Variants in RHBDL3 observed in about 807,000 individuals in gnomAD.
RHBDL3 encodes rhomboid like 3.
RHBDL3 carries 28 observed loss-of-function variants against 48.2 expected under a neutral mutation model. The ratio of observed to expected loss-of-function variants is 0.58; its 90% CI spans 0.43 to 0.80. The LOEUF is 0.80. Among genes scored for constraint, RHBDL3 ranks in the 30% least tolerant of loss-of-function variants. The pLI, the probability that RHBDL3 is intolerant of heterozygous loss-of-function variation, is 0.00. For missense variants in RHBDL3, 464 were observed against 542.7 expected (o/e 0.85, Z 1.44); for synonymous variants, 208 against 232.3 (o/e 0.90, Z 0.95).
intron 7 of RHBDL3, among the ~76,000 whole-genome samples, chr17:32,307,426 CT>C (rs2040737259): frequency 6.6e-6 from 1 of 152,204 alleles, no homozygotes; most frequent in African/African-American, 2.4e-5. Flanking sequence ...GTTTTTCTTC[CT>C]TATCAATCTC....
intron 2 of RHBDL3, among the ~76,000 whole-genome samples, chr17:32,270,064 G>A (rs964928746): frequency 1.2e-4 from 17 of 147,808 alleles, no homozygotes; most frequent in African/African-American, 4.0e-4. Context: ...AGTGGCTAAC[G>A]CCGGTAATCC....
At position 32,321,553 on chromosome 17, in the gene RHBDL3, C is replaced by A. The variant is rs1054152791; in HGVS notation, c.*324C>A. ...CTTCCATGGGGCCAGGGGGTGCCCC[C>A]TCACTGCTGCGGATTGAGCAGCAGC... On this transcript the variant is annotated 3_prime_UTR_variant, in exon 9 of 9. Transcript: ENST00000269051. 1.0e-5 allele frequency: 5 copies of A among 487,660 alleles called. No homozygotes were observed. The East Asian group carries it at 2.0e-4, about 20-fold the overall frequency. The allele number at this position is 487,660 out of a possible 1,614,324, so 30.2% of individuals were successfully genotyped here.
chr17:32,300,313 C>G (rs541451187), intron 6 of RHBDL3, among the ~76,000 whole-genome samples: 15 of 152,238 alleles, frequency 9.9e-5, no homozygotes, highest in African/African-American at 3.6e-4. Context: ...TTTGGGAGGT[C>G]AAGGCAGGAA....
Position 32,279,588 on chromosome 17 carries a change from G to A in RHBDL3, c.136-5071G>A, listed in dbSNP as rs71377426. On this transcript the variant is annotated intron_variant, in intron 2 of 8. Coordinates refer to ENST00000269051, the MANE Select transcript of RHBDL3 (RefSeq NM_138328.3). ...ATGTGGAATTGCCTGCTGTGATCCC[G>A]AATGTCCTGTAGCCCCTTGACTGTG... Among the ~76,000 whole-genome samples, 259 of 152,312 alleles carry A rather than the reference G, an allele frequency of 1.7e-3. 1 individual carries two copies. Among genetic ancestry groups the A allele is most frequent in the African/African-American group, 5.9e-3 (245 of 41,548 alleles).
At chr17:32,294,511 A>G (rs2040407630) in intron 5 of RHBDL3, 69 bp downstream of exon 5, 1 of 1,404,510 alleles carries the variant, frequency 7.1e-7, no homozygotes, top group Non-Finnish European at 9.6e-7. Flanking sequence ...GATAGCCTGG[A>G]TTGAAATATA....
In RHBDL3 at chr17:32,321,640, C is replaced by T. The variant is rs1050492560; in HGVS notation, c.*411C>T. The T allele has an allele frequency of 9.1e-6, 3 of 329,894 alleles. No homozygotes were observed. In the East Asian group the frequency reaches 2.2e-4, roughly 25 times the overall value. The allele number at this position is 329,894 out of a possible 1,614,324, so 20.4% of individuals were successfully genotyped here. ...ACATGGGAAGGCTCGAAGGTTGTTG[C>T]GTCCAGGCATGGCCCCTCTCTAGCT... On this transcript the variant is annotated 3_prime_UTR_variant, in exon 9 of 9. Coordinates refer to ENST00000269051, the MANE Select transcript of RHBDL3 (RefSeq NM_138328.3).
intron 2 of RHBDL3, chr17:32,281,002 C>G (rs1469038284): frequency 6.5e-6 from 1 of 152,690 alleles, no homozygotes; most frequent in Non-Finnish European, 1.5e-5. Context: ...ATTGCTGCCT[C>G]TCCCTCCCCC....
At chr17:32,277,960 G>A (rs989212890) in intron 2 of RHBDL3, among the ~76,000 whole-genome samples, 1 of 152,126 alleles carries the variant, frequency 6.6e-6, no homozygotes, top group African/African-American at 2.4e-5. Context: ...CTTATTTCAG[G>A]TACCATCAGG....
At chr17:32,295,669 T>C (rs1280298134) in intron 5 of RHBDL3, among the ~76,000 whole-genome samples, 5 of 152,184 alleles carry the variant, frequency 3.3e-5, no homozygotes. Flanking sequence ...GCCTCCTTGC[T>C]CCATCCTCTG....
chr17:32,270,815 G>A (rs2039754585), intron 2 of RHBDL3, among the ~76,000 whole-genome samples: 1 of 152,118 alleles, frequency 6.6e-6, no homozygotes, highest in Non-Finnish European at 1.5e-5. Flanking sequence ...TCATATTTTG[G>A]AGATCTTGAT....
At chr17:32,296,352 T>TTTTG (rs940121432) in intron 5 of RHBDL3, among the ~76,000 whole-genome samples, 9 of 144,064 alleles carry the variant, frequency 6.2e-5, no homozygotes, top group African/African-American at 2.1e-4. Flanking sequence ...TTTTTTTTTT[T>TTTTG]TGAGATGGAG....
intron 2 of RHBDL3, among the ~76,000 whole-genome samples, chr17:32,283,965 C>T (rs4794912): frequency 3.9e-5 from 6 of 152,210 alleles, no homozygotes; most frequent in Middle Eastern, 3.4e-3. Context: ...TCCAGGGAGA[C>T]GGAGGAAGAA....
chr17:32,271,894 A>T (rs1056602352), intron 2 of RHBDL3, among the ~76,000 whole-genome samples: 2 of 152,198 alleles, frequency 1.3e-5, no homozygotes, highest in African/African-American at 4.8e-5. Flanking sequence ...ATAAACATAA[A>T]CATGTGCTAC....
Position 32,288,935 on chromosome 17 carries a change from G to A in RHBDL3, c.438G>A (p.Arg146=). 6.2e-7 allele frequency: 1 copy of A among 1,614,232 alleles called. No homozygotes were observed. Among genetic ancestry groups the A allele is most frequent in the Non-Finnish European group, 8.5e-7 (1 of 1,180,052 alleles). Residue 146 remains arginine (R), a synonymous_variant, in exon 4 of 9, where the codon CGG becomes CGA. Transcript: ENST00000269051. ...IRHVAYETLP[R]EIDRKWYYDS... is the part of the protein sequence containing the mutation. The stretch of plus-strand genomic sequence containing the variant: ...ATGTGGCCTATGAGACCCTGCCCCG[G>A]GAAATTGACCGCAAGTGGTACTATG...
intron 6 of RHBDL3, 34 bp from the exon 7 acceptor site, chr17:32,305,307 A>G (rs2040682882): frequency 6.7e-7 from 1 of 1,481,906 alleles, no homozygotes; most frequent in South Asian, 1.1e-5. Context: ...CGAGTCCCGC[A>G]CTCCTGAGAA....
At position 32,305,351 on chromosome 17, in the gene RHBDL3, A is replaced by C; in HGVS notation, c.792A>C (p.Ala264=). The C allele has an allele frequency of 6.2e-7, 1 of 1,612,522 alleles. No individual in the cohort carries two copies. Among genetic ancestry groups the C allele is most frequent in the Non-Finnish European group, 8.5e-7 (1 of 1,178,584 alleles). The part of the protein sequence containing the change: ...YVAGVVAGSL[A]VSVADMTAPV... Reference sequence around the variant, plus strand: ...GTCTTTCTGTACTAGGGTCCTTGGCAGTGTCTGTGGCTGACATGACCGCTC... The same window carrying C: ...GTCTTTCTGTACTAGGGTCCTTGGCCGTGTCTGTGGCTGACATGACCGCTC... Residue 264 remains alanine, a synonymous_variant, in exon 7 of 9, where the codon GCA becomes GCC. Coordinates refer to ENST00000269051, the MANE Select transcript of RHBDL3 (RefSeq NM_138328.3).
In RHBDL3 at chr17:32,324,244, A is replaced by G. The variant is rs1176148959; in HGVS notation, c.*3015A>G. ...GACACCATTCATCATTCGTTTTTTA[A>G]TTAGGAAAAGCTCCCTAATGAGGCT... On this transcript the variant is annotated 3_prime_UTR_variant, in exon 9 of 9. Coordinates refer to ENST00000269051, the MANE Select transcript of RHBDL3 (RefSeq NM_138328.3). The G allele has an allele frequency of 6.6e-6, 1 of 152,642 alleles. No individual in the cohort carries two copies. The highest frequency in any genetic ancestry group is 1.5e-5 in the Non-Finnish European group (1 of 68,040). 9.5% of individuals were successfully genotyped at this position (152,642 alleles called of 1,614,324 possible). A position where few individuals can be genotyped will look rare whatever the true frequency, so the allele number is the denominator to read the frequency against.
intron 2 of RHBDL3, among the ~76,000 whole-genome samples, chr17:32,281,838 T>C (rs2040059168): frequency 6.6e-6 from 1 of 152,274 alleles, no homozygotes; most frequent in Admixed American, 6.5e-5. Flanking sequence ...CACTCACCTA[T>C]TTGGTCCTTA....
At chr17:32,294,792 A>T (rs1186184851) in intron 5 of RHBDL3, among the ~76,000 whole-genome samples, 2 of 151,988 alleles carry the variant, frequency 1.3e-5, no homozygotes, top group Non-Finnish European at 2.9e-5. Context: ...GCAAAAAGGG[A>T]GTCAAGCCAC....
Sources: gnomAD v4.1 joint callset for allele counts (sites outside exome capture counted in the v4.1 genomes callset) on GRCh38, gnomAD v4.1.1 for gene constraint, MANE v1.5 for transcripts, NCBI Gene and HGNC (gene_info 2026-07-23, HGNC 2026-07-21) for gene names.